Variants in ANK1 observed in about 807,000 individuals in gnomAD.
ANK1 encodes the protein ankyrin 1.
ANK1 carries 51 observed loss-of-function variants against 210.4 expected under a neutral mutation model. The ratio of observed to expected loss-of-function variants is 0.24; its 90% CI spans 0.19 to 0.31. The LOEUF is 0.31. Ranked by LOEUF, ANK1 falls within the 10% of genes least tolerant of loss-of-function variation. The pLI is 1.00. For missense variants in ANK1, 2,051 were observed against 2,504.4 expected (o/e 0.82, Z 3.86); for synonymous variants, 967 against 1,025.9 (o/e 0.94, Z 1.10).
Position 41,696,809 on chromosome 8 carries a change from C to T in ANK1, c.2638-36G>A, listed in dbSNP as rs756303638. 2.5e-6 allele frequency: 4 copies of T among 1,571,196 alleles called. No individual in the cohort carries two copies. In the Admixed American group the frequency reaches 5.1e-5, roughly 20 times the overall value. ...AGAAAGGGTCCTCCTGTCCCACCTC[C>T]TCCCGGGCCAGCTGGATGCCGTGCC... On this transcript the variant is annotated intron_variant, in intron 24 of 42. Transcript: ENST00000289734.
intron 17 of ANK1, 32 bp downstream of exon 17, chr8:41,708,746 C>T (rs746379138): frequency 3.1e-6 from 5 of 1,611,410 alleles, no homozygotes; most frequent in Admixed American, 1.7e-5. Flanking sequence ...TTATCCAGCA[C>T]TCCAGGGCAG....
At chr8:41,896,281 C>T (rs1820520906) in intron 1 of ANK1, 2 of 1,499,668 alleles carry the variant, frequency 1.3e-6, no homozygotes, top group African/African-American at 1.5e-5. Flanking sequence ...GCGTCCCGGG[C>T]CGCCCGACCC....
At chr8:41,724,614 A>C in intron 6 of ANK1, 60 bp from the exon 7 acceptor site, 1 of 1,490,464 alleles carries the variant, frequency 6.7e-7, no homozygotes, top group South Asian at 1.2e-5. Context: ...TCTCAGAATC[A>C]GCCCTGGGAT....
intron 1 of ANK1, among the ~76,000 whole-genome samples, chr8:41,767,598 G>A (rs1285153082): frequency 1.3e-5 from 2 of 152,180 alleles, no homozygotes; most frequent in Non-Finnish European, 2.9e-5. Context: ...TGTCAGATGG[G>A]AAAGTTAATG....
chr8:41,812,172 A>T (rs539168722), intron 1 of ANK1, among the ~76,000 whole-genome samples: 2 of 152,336 alleles, frequency 1.3e-5, no homozygotes, highest in South Asian at 4.1e-4. Flanking sequence ...TCCAACCCAA[A>T]TATCTTCATT....
chr8:41,753,160 T>G (rs1182945783), intron 2 of ANK1, among the ~76,000 whole-genome samples: 1 of 151,202 alleles, frequency 6.6e-6, no homozygotes, highest in Admixed American at 6.6e-5. Context: ...CCTCTTGGGT[T>G]CAAGAGATTC....
chr8:41,724,894 G>T (rs1254664951), intron 6 of ANK1, among the ~76,000 whole-genome samples: 3 of 152,256 alleles, frequency 2.0e-5, no homozygotes, highest in Admixed American at 6.5e-5. Context: ...GTCTCACTGT[G>T]TTGCCCAGGC....
chr8:41,701,913 G>T, intron 21 of ANK1, 139 bp downstream of exon 21: 1 of 899,536 alleles, frequency 1.1e-6, no homozygotes, highest in Non-Finnish European at 1.8e-6. Flanking sequence ...AGGAGGACAA[G>T]CTCCCACCCG....
At chr8:41,781,410 G>A (rs1365969707) in intron 1 of ANK1, among the ~76,000 whole-genome samples, 8 of 152,210 alleles carry the variant, frequency 5.3e-5, no homozygotes, top group Admixed American at 1.3e-4. Flanking sequence ...CAGAATTCAC[G>A]AGAATCTGTT....
At chr8:41,859,363 T>G (rs2150817113) in intron 1 of ANK1, among the ~76,000 whole-genome samples, 1 of 152,226 alleles carries the variant, frequency 6.6e-6, no homozygotes, top group African/African-American at 2.4e-5. Flanking sequence ...TGTTTGTTTG[T>G]TTTTTGACAC....
In ANK1 at chr8:41,686,014, A is replaced by G. The variant is rs1586070042; in HGVS notation, c.4390+138T>C. 5.8e-6 allele frequency: 8 copies of G among 1,369,350 alleles called. No individual in the cohort carries two copies. In the East Asian group the frequency reaches 1.6e-4, roughly 28 times the overall value. The allele number at this position is 1,369,350 out of a possible 1,614,324, so 84.8% of individuals were successfully genotyped here. ...ACTGCCTGGAAGACCTCCTGATGCG[A>G]GTGGTGCGTGAGTGTGTGTGAGAGA... On this transcript the variant is annotated intron_variant, in intron 36 of 42. Coordinates refer to ENST00000289734, the MANE Select transcript of ANK1 (RefSeq NM_000037.4).
chr8:41,697,131 G>A (rs982114702), intron 24 of ANK1, among the ~76,000 whole-genome samples: 2 of 152,214 alleles, frequency 1.3e-5, no homozygotes, highest in African/African-American at 2.4e-5. Flanking sequence ...GCCCTCAGCA[G>A]GCCAACTTCC....
At chr8:41,731,970 A>G in intron 3 of ANK1, among the ~76,000 whole-genome samples, 1 of 152,216 alleles carries the variant, frequency 6.6e-6, no homozygotes, top group East Asian at 1.9e-4. Context: ...GGTGGGAACA[A>G]TTGGAATTTG....
chr8:41,750,646 C>G (rs501154), intron 2 of ANK1, among the ~76,000 whole-genome samples: 137,630 of 152,058 alleles, frequency 0.91, 63,657 homozygotes, highest in East Asian at 1. Context: ...ACAGAGCAAT[C>G]AGGAAAGCAA....
At position 41,763,891 on chromosome 8, in the gene ANK1, T is replaced by A. The variant is rs1287620469; in HGVS notation, c.28-5754A>T. 6.7e-5 allele frequency among the ~76,000 whole-genome samples: 5 copies of A among 74,392 alleles called. No homozygotes were observed. In the South Asian group the frequency reaches 1.7e-3, roughly 26 times the overall value. 48.8% of individuals were successfully genotyped at this position (74,392 alleles called of 152,430 possible). On this transcript the variant is annotated intron_variant, in intron 1 of 42. Transcript: ENST00000289734. ...CTTCTTTCTTTTTTTCTTTTTTTCT[T>A]TTTTTTTTTTTTTTTTTTTTTTTGG...
At chr8:41,852,349 G>C (rs79513233) in intron 1 of ANK1, among the ~76,000 whole-genome samples, 1 of 152,194 alleles carries the variant, frequency 6.6e-6, no homozygotes, top group African/African-American at 2.4e-5. Context: ...GGGCCGAAGC[G>C]GGGTGTGAAA....
chr8:41,684,326 G>A (rs1355045176), intron 37 of ANK1: 4 of 733,694 alleles, frequency 5.5e-6, no homozygotes, highest in African/African-American at 1.7e-5. Context: ...AAAGGCTAAG[G>A]CGGAGGCGAT....
Position 41,694,716 on chromosome 8 carries a change from C to A in ANK1, c.3203G>T (p.Arg1068Leu). 2 of 1,614,176 alleles carry A rather than the reference C, an allele frequency of 1.2e-6. No individual in the cohort carries two copies. The highest frequency in any genetic ancestry group is 1.7e-6 in the Non-Finnish European group (2 of 1,180,036). The part of the protein sequence containing the change: ...DFPLYFVIMS[R>L]LCQDYDTIGP... ...GATGGTGTCGTAGTCCTGGCAGAGC[C>A]GTGACATGATCACGAAGTACAGCGG... Residue 1068 changes from arginine (R) to leucine (L), a missense_variant, in exon 28 of 43, where the codon CGG (arginine) becomes CTG (leucine). Transcript: ENST00000289734. This position sits in a 1 kb window ranked among gnomAD's most constrained non-coding sequence, Gnocchi z 5.7.
intron 2 of ANK1, among the ~76,000 whole-genome samples, chr8:41,737,852 C>T (rs1833820873): frequency 2.0e-5 from 3 of 152,174 alleles, no homozygotes; most frequent in Admixed American, 2.0e-4. Flanking sequence ...GTCTCAGCCA[C>T]AGGTGTGGAC....
Sources: allele counts gnomAD v4.1 joint callset (sites outside exome capture counted in the v4.1 genomes callset), GRCh38; gene constraint gnomAD v4.1.1; non-coding constraint Gnocchi (gnomAD v3.1); transcripts MANE v1.5; gene names NCBI Gene and HGNC (gene_info 2026-07-23, HGNC 2026-07-21).